Variants in FAM13A observed in about 807,000 individuals in gnomAD.
FAM13A encodes the protein protein FAM13A.
In FAM13A, 76 loss-of-function variants were observed where a neutral mutation model predicts 129.6. That is an observed-to-expected ratio of 0.59 (90% CI 0.49 to 0.71). FAM13A has a LOEUF of 0.71. Among genes scored for constraint, FAM13A ranks in the 30% least tolerant of loss-of-function variants. The pLI is 0.00. For missense variants in FAM13A, 1,108 were observed against 1,249.3 expected, an observed-to-expected ratio of 0.89 and a Z score of 1.70; for synonymous variants, 443 against 449.9, an observed-to-expected ratio of 0.98 and a Z score of 0.20.
intron 6 of FAM13A, among the ~76,000 whole-genome samples, chr4:88,905,877 C>T (rs1038460299): frequency 6.6e-6 from 1 of 152,146 alleles, no homozygotes; most frequent in Non-Finnish European, 1.5e-5. Flanking sequence ...TGCTTTTATA[C>T]CACCAGATCC....
intron 5 of FAM13A, among the ~76,000 whole-genome samples, chr4:88,917,662 T>G (rs1405523860): frequency 1.3e-5 from 2 of 152,232 alleles, no homozygotes; most frequent in Non-Finnish European, 2.9e-5. Flanking sequence ...ACTTATGTGC[T>G]TATCCCATTT....
intron 6 of FAM13A, among the ~76,000 whole-genome samples, chr4:88,877,764 T>G (rs1307820460): frequency 6.6e-6 from 1 of 152,188 alleles, no homozygotes; most frequent in Non-Finnish European, 1.5e-5. Flanking sequence ...AGATTTAAAT[T>G]TATGAGTACC....
chr4:88,959,118 T>C (rs1758227828), intron 4 of FAM13A, among the ~76,000 whole-genome samples: 1 of 152,234 alleles, frequency 6.6e-6, no homozygotes, highest in Non-Finnish European at 1.5e-5. Flanking sequence ...TACAAGCTCA[T>C]AAGTGAAAGG....
chr4:88,963,591 C>A (rs1386846668), intron 4 of FAM13A, among the ~76,000 whole-genome samples: 1 of 152,184 alleles, frequency 6.6e-6, no homozygotes, highest in Non-Finnish European at 1.5e-5. Context: ...AGCCACTGCA[C>A]CCAGCCCATT....
At chr4:88,933,810 A>G (rs2609280) in intron 5 of FAM13A, among the ~76,000 whole-genome samples, 111,640 of 152,044 alleles carry the variant, frequency 0.73, 41,259 homozygotes, top group Non-Finnish European at 0.79. Context: ...CCTTTCAAGA[A>G]CCTAGTAATC....
chr4:88,781,244 G>C lies in FAM13A; in HGVS notation c.1379C>G (p.Ala460Gly), dbSNP rs1414200710. The stretch of plus-strand genomic sequence containing the variant: ...ACGTTTAGGCTTGCTCCTTTCTCCA[G>C]CACAACCAAAAGTATTTTTGTGTAC... Reference protein sequence around the residue: ...EKVHKNTFGCAGERSKPKRQK... With the variant: ...EKVHKNTFGCGGERSKPKRQK... Residue 460 changes from alanine (A) to glycine (G), a missense_variant, in exon 11 of 24, where the codon GCT (alanine) becomes GGT (glycine). Physicochemically the swap from Ala to Gly is moderately conservative, Grantham distance 60. Around this residue, in one of 3 missense-constraint regions of FAM13A, gnomAD observed 566 missense variants for 595.7 expected, o/e 0.95. Coordinates refer to ENST00000264344, the MANE Select transcript of FAM13A (RefSeq NM_014883.4). 2 of 1,612,410 alleles carry C rather than the reference G, an allele frequency of 1.2e-6. No individual in the cohort carries two copies.
intron 5 of FAM13A, among the ~76,000 whole-genome samples, chr4:88,920,716 G>T (rs559607322): frequency 2.0e-5 from 3 of 152,318 alleles, no homozygotes; most frequent in African/African-American, 7.2e-5. Flanking sequence ...ACTTTGACGA[G>T]TTGAGAGAAG....
At chr4:88,809,739 T>C (rs1399859201) in intron 7 of FAM13A, among the ~76,000 whole-genome samples, 1 of 152,206 alleles carries the variant, frequency 6.6e-6, no homozygotes, top group East Asian at 1.9e-4. Context: ...ATTTTCAATT[T>C]ATCCACAGTC....
intron 4 of FAM13A, among the ~76,000 whole-genome samples, chr4:88,966,802 A>T (rs1174239944): frequency 2.0e-5 from 3 of 152,214 alleles, no homozygotes; most frequent in African/African-American, 7.2e-5. Flanking sequence ...TCACTAGCTT[A>T]GCTCATGCAA....
chr4:88,999,657 A>C (rs1307993526), intron 3 of FAM13A, among the ~76,000 whole-genome samples: 2 of 152,192 alleles, frequency 1.3e-5, no homozygotes, highest in Non-Finnish European at 2.9e-5. Context: ...ATTTGGTGCC[A>C]TATGAGTTAA....
intron 5 of FAM13A, among the ~76,000 whole-genome samples, chr4:88,906,796 G>C (rs1482679890): frequency 6.6e-6 from 1 of 152,158 alleles, no homozygotes; most frequent in Non-Finnish European, 1.5e-5. Context: ...GAAGTGAATA[G>C]TTAAATCTCC....
In FAM13A at chr4:88,728,253, C is replaced by T. The variant is rs2149372889; in HGVS notation, c.*280G>A. 2 of 462,658 alleles carry T rather than the reference C, an allele frequency of 4.3e-6. No homozygotes were observed. The highest frequency in any genetic ancestry group is 7.7e-5 in the East Asian group (2 of 26,072). 28.7% of individuals were successfully genotyped at this position (462,658 alleles called of 1,614,324 possible). A position where few individuals can be genotyped will look rare whatever the true frequency, so the allele number is the denominator to read the frequency against. On this transcript the variant is annotated 3_prime_UTR_variant, in exon 24 of 24. Coordinates refer to ENST00000264344, the MANE Select transcript of FAM13A (RefSeq NM_014883.4). The stretch of plus-strand genomic sequence containing the variant: ...AATCTCTGCTAGTGTTAGGAAAGCT[C>T]CACTACTGTGTGTGTGTGTGCGTGC...
chr4:88,739,704 T>C (rs1739794297), intron 19 of FAM13A, among the ~76,000 whole-genome samples: 1 of 146,144 alleles, frequency 6.8e-6, no homozygotes, highest in Non-Finnish European at 1.5e-5. Context: ...GGAGAATCGC[T>C]TGAACACAGG....
intron 1 of FAM13A, among the ~76,000 whole-genome samples, chr4:89,038,829 C>A (rs1769732009): frequency 1.3e-5 from 2 of 151,966 alleles, no homozygotes; most frequent in Admixed American, 1.3e-4. Context: ...TCAGCAGCTG[C>A]CAAAATATCA....
chr4:89,042,681 T>C (rs954692173), intron 1 of FAM13A, among the ~76,000 whole-genome samples: 1 of 152,110 alleles, frequency 6.6e-6, no homozygotes, highest in African/African-American at 2.4e-5. Flanking sequence ...GACCCAACAA[T>C]CTTTAAACAT....
At chr4:88,957,594 A>T (rs1192286992) in intron 4 of FAM13A, among the ~76,000 whole-genome samples, 2 of 152,252 alleles carry the variant, frequency 1.3e-5, no homozygotes, top group East Asian at 3.8e-4. Flanking sequence ...ACACCTGAAA[A>T]TGTGGAAGTG....
intron 5 of FAM13A, among the ~76,000 whole-genome samples, chr4:88,912,975 A>C (rs1248505468): frequency 6.6e-6 from 1 of 151,604 alleles, no homozygotes; most frequent in East Asian, 1.9e-4. Flanking sequence ...AGCAAGACAG[A>C]AGAAAGAAGA....
chr4:88,811,207 T>C (rs2149780467), intron 7 of FAM13A, among the ~76,000 whole-genome samples: 1 of 152,244 alleles, frequency 6.6e-6, no homozygotes, highest in African/African-American at 2.4e-5. Context: ...TGCCCAGTAG[T>C]GGGCATGATG....
At chr4:89,052,784 A>G (rs966814114) in intron 1 of FAM13A, among the ~76,000 whole-genome samples, 1 of 152,078 alleles carries the variant, frequency 6.6e-6, no homozygotes. Context: ...GAATTTTCCA[A>G]ATCTTTAAGT....
Sources: gnomAD v4.1 joint callset for allele counts (sites outside exome capture counted in the v4.1 genomes callset) on GRCh38, gnomAD v4.1.1 for gene constraint, gnomAD v4.1.1 regional missense constraint, MANE v1.5 for transcripts, NCBI Gene and HGNC (gene_info 2026-07-23, HGNC 2026-07-21) for gene names.